Variants in PSD4 observed in about 807,000 individuals in gnomAD.
PSD4 encodes PH and SEC7 domain-containing protein 4.
PSD4 carries 59 observed loss-of-function variants against 112.5 expected under a neutral mutation model. That is an observed-to-expected ratio of 0.52 (90% CI 0.43 to 0.65). PSD4 has a LOEUF of 0.65. PSD4 is among the 30% of genes least tolerant of loss of function. PSD4 has a pLI of 0.00. For missense variants in PSD4, 1,267 were observed against 1,352.6 expected (o/e 0.94, Z 0.99); for synonymous variants, 533 against 540.0 (o/e 0.99, Z 0.18).
At chr2:113,189,943 A>AT (rs1386123319) in intron 5 of PSD4, among the ~76,000 whole-genome samples, 1 of 151,388 alleles carries the variant, frequency 6.6e-6, no homozygotes, top group African/African-American at 2.4e-5. Flanking sequence ...GATTGTGGAG[A>AT]TTTTTTCCCA....
At chr2:113,188,030 T>C (rs1688345552) in intron 5 of PSD4, among the ~76,000 whole-genome samples, 1 of 152,152 alleles carries the variant, frequency 6.6e-6, no homozygotes, top group Admixed American at 6.5e-5. Flanking sequence ...AAAGAGATTG[T>C]CCAGTGAACA....
chr2:113,190,666 G>A (rs1222926643), intron 5 of PSD4, among the ~76,000 whole-genome samples: 1 of 152,080 alleles, frequency 6.6e-6, no homozygotes, highest in Non-Finnish European at 1.5e-5. Context: ...AGACCACAAG[G>A]CTGGTCTCCA....
intron 16 of PSD4, 104 bp downstream of exon 16, chr2:113,199,330 G>C (rs937040198): frequency 7.9e-7 from 1 of 1,258,078 alleles, no homozygotes; most frequent in Non-Finnish European, 1.0e-6. Flanking sequence ...GCGCCGGGGC[G>C]GGGAGAGGCG....
intron 16 of PSD4, among the ~76,000 whole-genome samples, chr2:113,200,395 C>A (rs915256218): frequency 6.6e-6 from 1 of 152,138 alleles, no homozygotes; most frequent in Non-Finnish European, 1.5e-5. Flanking sequence ...GAGTCAACAT[C>A]GCCTCCTGCC....
chr2:113,184,839 A>T, intron 2 of PSD4, 118 bp from the exon 3 acceptor site: 1 of 1,435,152 alleles, frequency 7.0e-7, no homozygotes, highest in Non-Finnish European at 9.5e-7. Context: ...AGGCAGGGCC[A>T]TCAGGGCAGA....
Position 113,179,760 on chromosome 2 carries a change from G to A in PSD4, c.-111-2586G>A, listed in dbSNP as rs566857993. Among the ~76,000 whole-genome samples, 176 of 152,300 alleles carry A rather than the reference G, an allele frequency of 1.2e-3. 2 individuals are homozygous for A. The South Asian group carries it at 0.034, about 29-fold the overall frequency. On this transcript the variant is annotated intron_variant, in intron 1 of 16. Coordinates refer to ENST00000245796, the MANE Select transcript of PSD4 (RefSeq NM_012455.3). ...CCAAATCTGGTCCATTTGATTCAGA[G>A]CATCAAGTACAAGATTAAACATAAG...
chr2:113,185,458 G>C lies in PSD4; in HGVS notation c.1249+18G>C, dbSNP rs1440993724. 1 of 1,614,112 alleles carries C rather than the reference G, an allele frequency of 6.2e-7. No homozygotes were observed. Among genetic ancestry groups the C allele is most frequent in the Non-Finnish European group, 8.5e-7 (1 of 1,179,998 alleles). ...GGACAGAGGTGAGCCCTAATAAGGG[G>C]GTTTGGGAAATTGGGTCCTGGGAGG... On this transcript the variant is annotated intron_variant, in intron 4 of 16. Coordinates refer to ENST00000245796, the MANE Select transcript of PSD4 (RefSeq NM_012455.3).
chr2:113,182,976 C>T lies in PSD4; in HGVS notation c.520C>T (p.Leu174=), dbSNP rs542607457. The change falls in exon 2 of 17, where the codon CTG becomes TTG. Residue 174 remains leucine (L), a synonymous_variant. Coordinates refer to ENST00000245796, the MANE Select transcript of PSD4 (RefSeq NM_012455.3). ...QMCVLDLEEE[L]EKTEGLKAGL... ...GTGTGTCCTAGACCTGGAGGAGGAG[C>T]TGGAGAAGACGGAAGGGCTCAAGGC... is the stretch of plus-strand genomic sequence containing the variant. 4.4e-5 allele frequency: 71 copies of T among 1,614,188 alleles called. No homozygotes were observed. In the African/African-American group the frequency reaches 7.6e-4, roughly 17 times the overall value.
intron 14 of PSD4, 169 bp downstream of exon 14, chr2:113,198,082 G>A: frequency 1.1e-6 from 1 of 874,660 alleles, no homozygotes; most frequent in Non-Finnish European, 1.7e-6. Context: ...CTGGGGACCA[G>A]GGATGAAGCC....
Position 113,182,668 on chromosome 2 carries a change from A to G in PSD4, c.212A>G (p.Glu71Gly). The change falls in exon 2 of 17, where the codon GAG (glutamate) becomes GGG (glycine). Residue 71 changes from glutamate to glycine, a missense_variant. By Grantham distance (98) the Glu-to-Gly change is moderately conservative. Transcript: ENST00000245796. ...QNVPPWGSGV[E>G]LTHLGSWVHQ... ...GTTCCTCCCTGGGGCTCCGGTGTGGAGCTCACACACCTGGGGAGCTGGGTC... is the reference window on the plus strand; with the variant it reads ...GTTCCTCCCTGGGGCTCCGGTGTGGGGCTCACACACCTGGGGAGCTGGGTC... 2.5e-6 allele frequency: 4 copies of G among 1,613,024 alleles called. No homozygotes were observed. The highest frequency in any genetic ancestry group is 3.4e-6 in the Non-Finnish European group (4 of 1,179,644).
intron 10 of PSD4, among the ~76,000 whole-genome samples, chr2:113,194,572 A>G (rs572349455): frequency 6.6e-6 from 1 of 152,344 alleles, no homozygotes; most frequent in Non-Finnish European, 1.5e-5. Flanking sequence ...TGTGAACATT[A>G]TAGAGTGAAC....
chr2:113,180,723 G>A (rs1364056151), intron 1 of PSD4, among the ~76,000 whole-genome samples: 1 of 152,094 alleles, frequency 6.6e-6, no homozygotes, highest in Non-Finnish European at 1.5e-5. Context: ...AGTGGTGGGT[G>A]GGGACAGGCA....
chr2:113,198,183 G>A (rs1688665278), intron 14 of PSD4: 8 of 421,926 alleles, frequency 1.9e-5, no homozygotes, highest in Middle Eastern at 6.0e-4. Flanking sequence ...TCCCAGTTCA[G>A]AACACAGGAT....
chr2:113,188,238 C>A (rs1247465115), intron 5 of PSD4, among the ~76,000 whole-genome samples: 1 of 151,970 alleles, frequency 6.6e-6, no homozygotes, highest in Non-Finnish European at 1.5e-5. Context: ...AAAATTGTAC[C>A]CTTTATTTTT....
Position 113,186,062 on chromosome 2 carries a change from A to G in PSD4, c.1435A>G (p.Ile479Val). The change falls in exon 5 of 17, where the codon ATT becomes GTT. Residue 479 changes from isoleucine (I) to valine (V), a missense_variant. Coordinates refer to ENST00000245796, the MANE Select transcript of PSD4 (RefSeq NM_012455.3). ...GCAGCTTCAACACCACAGCTCAGGC[A>G]TTTTGCCCAAGTGGACACTAGATGC... ...SPQLQHHSSGILPKWTLDASQ... is the reference protein window; with the variant it reads ...SPQLQHHSSGVLPKWTLDASQ... The G allele has an allele frequency of 1.9e-6, 3 of 1,614,188 alleles. No individual in the cohort carries two copies. The highest frequency in any genetic ancestry group is 2.5e-6 in the Non-Finnish European group (3 of 1,180,038).
intron 5 of PSD4, among the ~76,000 whole-genome samples, chr2:113,187,617 G>A (rs1688335365): frequency 1.3e-5 from 2 of 152,282 alleles, no homozygotes; most frequent in South Asian, 2.1e-4. Flanking sequence ...ACTCTCAGAT[G>A]TCACTCAATC....
At chr2:113,179,057 A>G (rs1688052928) in intron 1 of PSD4, among the ~76,000 whole-genome samples, 1 of 152,082 alleles carries the variant, frequency 6.6e-6, no homozygotes, top group Non-Finnish European at 1.5e-5. Context: ...TGGTGTCTTG[A>G]GGAGGCGCAG....
intron 1 of PSD4, among the ~76,000 whole-genome samples, chr2:113,180,421 G>A (rs1005937649): frequency 6.6e-6 from 1 of 152,208 alleles, no homozygotes. Flanking sequence ...TTTGTTATGT[G>A]TGCTGGTTAG....
chr2:113,182,882 G>A lies in PSD4; in HGVS notation c.426G>A (p.Gly142=). Residue 142 remains glycine, a synonymous_variant, in exon 2 of 17, where the codon GGG becomes GGA. Transcript: ENST00000245796. ...PGSPVNSHLP[G]SPKQNRSTST... ...CACCAGTGAACAGCCATCTACCGGGGAGCCCAAAGCAGAACCGGAGCACGT... is the reference window on the plus strand; with the variant it reads ...CACCAGTGAACAGCCATCTACCGGGAAGCCCAAAGCAGAACCGGAGCACGT... The A allele has an allele frequency of 6.2e-7, 1 of 1,614,206 alleles. No individual in the cohort carries two copies. Among genetic ancestry groups the A allele is most frequent in the Non-Finnish European group, 8.5e-7 (1 of 1,180,028 alleles).
Sources: gnomAD v4.1 joint callset for allele counts (sites outside exome capture counted in the v4.1 genomes callset) on GRCh38, gnomAD v4.1.1 for gene constraint, MANE v1.5 for transcripts, NCBI Gene and HGNC (gene_info 2026-07-23, HGNC 2026-07-21) for gene names.